Variants in PAK2 observed in about 807,000 individuals in gnomAD.
PAK2 encodes serine/threonine-protein kinase PAK 2.
In PAK2, 21 loss-of-function variants were observed where a neutral mutation model predicts 65.9. That is an observed-to-expected ratio of 0.32 (90% CI 0.23 to 0.46). The LOEUF (loss-of-function observed/expected upper bound fraction) is 0.46, where lower values mean the gene tolerates loss of function less well. Among genes scored for constraint, PAK2 ranks in the 20% least tolerant of loss-of-function variants. The probability of loss-of-function intolerance (pLI) is 1.00; values close to 1 mark genes in which losing one functional copy is unlikely to be tolerated. For missense variants in PAK2, 324 were observed against 642.6 expected, an observed-to-expected ratio of 0.50 and a Z score of 5.36; for synonymous variants, 204 against 219.7, an observed-to-expected ratio of 0.93 and a Z score of 0.63.
At chr3:196,770,872 C>T (rs1349515307) in intron 1 of PAK2, among the ~76,000 whole-genome samples, 1 of 152,026 alleles carries the variant, frequency 6.6e-6, no homozygotes, top group Non-Finnish European at 1.5e-5. Context: ...ATCTGCCCAC[C>T]TTGGCCTCCC....
intron 1 of PAK2, among the ~76,000 whole-genome samples, chr3:196,763,466 A>T (rs1407606019): frequency 6.6e-6 from 1 of 152,108 alleles, no homozygotes; most frequent in Non-Finnish European, 1.5e-5. Flanking sequence ...CCGGCAAAGG[A>T]AAAATGCTTG....
chr3:196,799,076 G>A (rs546382210), intron 2 of PAK2, among the ~76,000 whole-genome samples: 133 of 152,052 alleles, frequency 8.7e-4, no homozygotes, highest in African/African-American at 2.6e-3. Flanking sequence ...TTAAGAAAAC[G>A]AATAAAAGGA....
rs1192005048 is a variant in PAK2 at position 196,781,979 on chromosome 3, G to A, written c.-21-647G>A. Among the ~76,000 whole-genome samples the A allele has an allele frequency of 4.6e-5, 7 of 152,198 alleles. No individual in the cohort carries two copies. In the South Asian group the frequency reaches 1.2e-3, roughly 27 times the overall value. ...AAATTAGCCGAAAGTGGTGGCATGC[G>A]GCTGTAATTCCACCTACTCAGGAGG... On this transcript the variant is annotated intron_variant, in intron 1 of 14. Transcript: ENST00000327134.
chr3:196,818,665 C>T lies in PAK2; in HGVS notation c.1153+509C>T, dbSNP rs562030318. Among the ~76,000 whole-genome samples the T allele has an allele frequency of 1.8e-4, 27 of 152,270 alleles. No homozygotes were observed. In the East Asian group the frequency reaches 4.6e-3, roughly 26 times the overall value. On this transcript the variant is annotated intron_variant, in intron 12 of 14. Coordinates refer to ENST00000327134, the MANE Select transcript of PAK2 (RefSeq NM_002577.4). ...ACAGGCGTGAGCCACCGCGGCTGGC[C>T]ATGATTGCTTATTTTTAAGTAATCT...
chr3:196,806,311 G>C (rs1033191124), intron 5 of PAK2, among the ~76,000 whole-genome samples: 3 of 151,964 alleles, frequency 2.0e-5, no homozygotes. Flanking sequence ...TTACTTTCAG[G>C]ACATTGTATA....
intron 2 of PAK2, among the ~76,000 whole-genome samples, chr3:196,790,813 A>G (rs956174969): frequency 1.3e-5 from 2 of 152,114 alleles, no homozygotes; most frequent in African/African-American, 2.4e-5. Flanking sequence ...GAGTCAACAC[A>G]CCTGTGGGTA....
intron 1 of PAK2, among the ~76,000 whole-genome samples, chr3:196,761,018 C>T (rs1482498031): frequency 3.3e-5 from 5 of 152,092 alleles, no homozygotes; most frequent in African/African-American, 9.7e-5. Flanking sequence ...GGATGGAGAT[C>T]AGGAGTTCAA....
At chr3:196,773,641 C>T (rs998570134) in intron 1 of PAK2, among the ~76,000 whole-genome samples, 2 of 151,938 alleles carry the variant, frequency 1.3e-5, no homozygotes, top group African/African-American at 4.8e-5. Context: ...TTTGGGAGGC[C>T]GAGGTGGGTG....
intron 1 of PAK2, among the ~76,000 whole-genome samples, chr3:196,767,740 C>G (rs142592929): frequency 1.3e-5 from 2 of 152,060 alleles, no homozygotes; most frequent in South Asian, 4.1e-4. Context: ...GTGATCCGCC[C>G]GCTTCGGCCT....
intron 1 of PAK2, among the ~76,000 whole-genome samples, chr3:196,767,715 C>T (rs188396669): frequency 6.6e-6 from 1 of 152,036 alleles, no homozygotes; most frequent in Admixed American, 6.5e-5. Context: ...AGGATGGTCT[C>T]GATCTCCTGA....
chr3:196,759,268 A>T (rs1311519947), intron 1 of PAK2, among the ~76,000 whole-genome samples: 1 of 151,958 alleles, frequency 6.6e-6, no homozygotes, highest in Non-Finnish European at 1.5e-5. Flanking sequence ...TTCTTTTTGC[A>T]TTGCCCTGGG....
intron 1 of PAK2, among the ~76,000 whole-genome samples, chr3:196,762,015 T>C (rs1367213569): frequency 9.1e-6 from 1 of 109,702 alleles, no homozygotes; most frequent in Non-Finnish European, 1.9e-5. Context: ...TCCTCACTTC[T>C]CAGACGGGGC....
At position 196,829,242 on chromosome 3, in the gene PAK2, G is replaced by A. The variant is rs1711985726; in HGVS notation, c.*837G>A. The A allele has an allele frequency of 6.6e-6, 1 of 152,622 alleles. No homozygotes were observed. Among genetic ancestry groups the A allele is most frequent in the African/African-American group, 2.4e-5 (1 of 41,438 alleles). 9.5% of individuals were successfully genotyped at this position (152,622 alleles called of 1,614,324 possible). On this transcript the variant is annotated 3_prime_UTR_variant, in exon 15 of 15. Transcript: ENST00000327134. ...CAGGCTTGGCTCTAGGAACCAAAGT[G>A]ATTTGTTGTTGTTCCAACCTGGGCT...
intron 8 of PAK2, among the ~76,000 whole-genome samples, chr3:196,811,105 C>G (rs1715770531): frequency 6.6e-6 from 1 of 151,742 alleles, no homozygotes; most frequent in Non-Finnish European, 1.5e-5. Flanking sequence ...AAATAAACAC[C>G]TAAATTTTTA....
intron 4 of PAK2, among the ~76,000 whole-genome samples, chr3:196,804,824 TACAC>T (rs1246114369): frequency 0.036 from 406 of 11,200 alleles, 1 homozygote; most frequent in African/African-American, 0.13. Context: ...TATATATATA[TACAC>T]ATATATATAT....
At chr3:196,776,665 G>T (rs1714548236) in intron 1 of PAK2, among the ~76,000 whole-genome samples, 1 of 152,144 alleles carries the variant, frequency 6.6e-6, no homozygotes, top group Non-Finnish European at 1.5e-5. Flanking sequence ...ACTGCATAAC[G>T]AGATGTGTCA....
At chr3:196,765,829 T>G (rs921717918) in intron 1 of PAK2, among the ~76,000 whole-genome samples, 1 of 152,198 alleles carries the variant, frequency 6.6e-6, no homozygotes, top group Non-Finnish European at 1.5e-5. Flanking sequence ...AAACACATTT[T>G]GAGTTTCTGT....
At chr3:196,751,322 C>G (rs964934892) in intron 1 of PAK2, among the ~76,000 whole-genome samples, 4 of 151,988 alleles carry the variant, frequency 2.6e-5, no homozygotes, top group African/African-American at 9.7e-5. Context: ...TATGTAAGTA[C>G]TTAATGCAAA....
intron 11 of PAK2, among the ~76,000 whole-genome samples, chr3:196,815,380 T>G (rs924217529): frequency 4.0e-5 from 6 of 151,118 alleles, no homozygotes; most frequent in Non-Finnish European, 5.9e-5. Flanking sequence ...TAATCCCAGC[T>G]ACTCGCGAGG....
Sources: gnomAD v4.1 joint callset for allele counts (sites outside exome capture counted in the v4.1 genomes callset) on GRCh38, gnomAD v4.1.1 for gene constraint, MANE v1.5 for transcripts, NCBI Gene and HGNC (gene_info 2026-07-23, HGNC 2026-07-21) for gene names.